NOL4L: variants seen among roughly 807,000 people sequenced by gnomAD.
NOL4L encodes nucleolar protein 4-like.
A neutral mutation model predicts 64.5 loss-of-function variants in NOL4L; 7 were observed. The ratio of observed to expected loss-of-function variants is 0.11; its 90% CI spans 0.06 to 0.20. The LOEUF (loss-of-function observed/expected upper bound fraction) is 0.20, where lower values mean the gene tolerates loss of function less well. Ranked by LOEUF, NOL4L falls within the 10% of genes least tolerant of loss-of-function variation. The pLI is 1.00. For missense variants in NOL4L, 680 were observed against 967.1 expected, an observed-to-expected ratio of 0.70 and a Z score of 3.94; for synonymous variants, 413 against 401.0, an observed-to-expected ratio of 1.03 and a Z score of -0.36.
chr20:32,542,390 G>C (rs1421745317), intron 1 of NOL4L, among the ~76,000 whole-genome samples: 1 of 152,134 alleles, frequency 6.6e-6, no homozygotes, highest in Non-Finnish European at 1.5e-5. Context: ...GTCTCGCTGT[G>C]TCACCCAGAC....
At chr20:32,494,713 T>C (rs562382343) in intron 4 of NOL4L, among the ~76,000 whole-genome samples, 29 of 152,300 alleles carry the variant, frequency 1.9e-4, no homozygotes, top group African/African-American at 6.0e-4. Flanking sequence ...TTTGCAGCAA[T>C]GAGACATCAA....
chr20:32,555,245 C>G (rs145681871), intron 1 of NOL4L, among the ~76,000 whole-genome samples: 33 of 152,246 alleles, frequency 2.2e-4, no homozygotes, highest in African/African-American at 7.9e-4. Context: ...TGTGCCCCCT[C>G]CAATTCATAT....
intron 4 of NOL4L, among the ~76,000 whole-genome samples, chr20:32,500,352 AT>A (rs778704594): frequency 0.02 from 2,586 of 132,376 alleles, 29 homozygotes; most frequent in South Asian, 0.043. Flanking sequence ...GCCCAGCCAG[AT>A]TTTTTTTTTT....
At chr20:32,528,053 G>A (rs1469985995) in intron 1 of NOL4L, 140 bp from the exon 2 acceptor site, 2 of 561,360 alleles carry the variant, frequency 3.6e-6, no homozygotes, top group South Asian at 3.5e-5. Context: ...GGAGCCTACC[G>A]AGGGGGCTCC....
intron 4 of NOL4L, among the ~76,000 whole-genome samples, chr20:32,505,680 C>T (rs946955189): frequency 6.6e-6 from 1 of 152,232 alleles, no homozygotes; most frequent in African/African-American, 2.4e-5. Flanking sequence ...CGTGTCACTG[C>T]ACTCCAGCCT....
Position 32,455,566 on chromosome 20 carries a change from T to C in NOL4L, c.1119+552A>G, listed in dbSNP as rs55731315. ...ACCTTAGTGGCCCGGAGGCAGCTTG[T>C]GGAAGTGTGGGGGAGGCCCCAGGAA... On this transcript the variant is annotated intron_variant, in intron 6 of 10. Transcript: ENST00000621426. Among the ~76,000 whole-genome samples, 1,449 of 152,118 alleles carry C rather than the reference T, an allele frequency of 9.5e-3. 13 individuals are homozygous for C. The highest frequency in any genetic ancestry group is 0.016 in the Non-Finnish European group (1,096 of 67,948).
chr20:32,562,004 T>C (rs951951466), intron 1 of NOL4L, among the ~76,000 whole-genome samples: 6 of 151,716 alleles, frequency 4.0e-5, no homozygotes, highest in Non-Finnish European at 5.9e-5. Flanking sequence ...AATAAACAAA[T>C]AAATAAATAA....
chr20:32,557,568 T>C (rs1318911062), intron 1 of NOL4L, among the ~76,000 whole-genome samples: 1 of 152,148 alleles, frequency 6.6e-6, no homozygotes, highest in South Asian at 2.1e-4. Context: ...AAGCCGTTAA[T>C]GGTGGGCAGG....
At chr20:32,557,476 C>T (rs1978731863) in intron 1 of NOL4L, among the ~76,000 whole-genome samples, 1 of 152,256 alleles carries the variant, frequency 6.6e-6, no homozygotes, top group African/African-American at 2.4e-5. Flanking sequence ...CTCCAAGTCT[C>T]CTCGGTTGGG....
intron 4 of NOL4L, among the ~76,000 whole-genome samples, chr20:32,485,081 A>AAAAAAAAAAAAAAAAAAAAAAAACAAAAC (rs2016016202): frequency 6.8e-6 from 1 of 147,002 alleles, no homozygotes; most frequent in Non-Finnish European, 1.5e-5. Flanking sequence ...AAAAAAAAAA[A>AAAAAAAAAAAAAAAAAAAAAAAACAAAAC]AAAAAACAAC....
chr20:32,461,478 G>A (rs2014058100), intron 5 of NOL4L, among the ~76,000 whole-genome samples: 1 of 145,582 alleles, frequency 6.9e-6, no homozygotes, highest in African/African-American at 2.5e-5. Context: ...GATGGAGTAC[G>A]GTGGCGTGAT....
chr20:32,552,766 G>A (rs1978385439), intron 1 of NOL4L, among the ~76,000 whole-genome samples: 1 of 152,192 alleles, frequency 6.6e-6, no homozygotes, highest in Admixed American at 6.5e-5. Flanking sequence ...ACTTTGGGAG[G>A]CCAAGACGGG....
chr20:32,488,791 CTTTCTTTCT>C (rs1333368423), intron 4 of NOL4L, among the ~76,000 whole-genome samples: 6 of 53,498 alleles, frequency 1.1e-4, no homozygotes, highest in Non-Finnish European at 1.8e-4. Context: ...TCCTTCCTTC[CTTTCTTTCT>C]TTCTTTTTCT....
At chr20:32,472,352 C>T (rs769788547) in intron 5 of NOL4L, among the ~76,000 whole-genome samples, 14 of 152,224 alleles carry the variant, frequency 9.2e-5, no homozygotes, top group Non-Finnish European at 1.6e-4. Context: ...CCAGAGCCCA[C>T]ACACCAAGCC....
intron 4 of NOL4L, among the ~76,000 whole-genome samples, chr20:32,488,829 T>TTTC (rs1568648839): frequency 5.1e-5 from 2 of 39,316 alleles, no homozygotes; most frequent in South Asian, 8.3e-4. Flanking sequence ...TTCTTTCTTT[T>TTTC]TCTTTCTTTC....
At chr20:32,483,900 C>G (rs1300566060) in intron 4 of NOL4L, among the ~76,000 whole-genome samples, 2 of 143,202 alleles carry the variant, frequency 1.4e-5, no homozygotes, top group Admixed American at 6.9e-5. Context: ...GACGCGCCGC[C>G]GTGCGCTTCG....
chr20:32,461,548 G>A (rs747195054), intron 5 of NOL4L, among the ~76,000 whole-genome samples: 3 of 149,478 alleles, frequency 2.0e-5, no homozygotes, highest in South Asian at 2.1e-4. Context: ...TCGGCTTCCC[G>A]AGTAGCTGGG....
rs1362401037 is a variant in NOL4L, at chr20:32,494,271, A to C, written c.699+17076T>G. Among the ~76,000 whole-genome samples the C allele has an allele frequency of 2.1e-3, 301 of 142,142 alleles. 7 individuals are homozygous for C. Among genetic ancestry groups the C allele is most frequent in the African/African-American group, 5.5e-3 (191 of 34,962 alleles). The allele number at this position is 142,142 out of a possible 152,430, so 93.3% of individuals were successfully genotyped here. A position where few individuals can be genotyped will look rare whatever the true frequency, so the allele number is the denominator to read the frequency against. On this transcript the variant is annotated intron_variant, in intron 4 of 10. Coordinates refer to ENST00000621426, the MANE Select transcript of NOL4L (RefSeq NM_001256798.2). Reference sequence around the variant, plus strand: ...ATCTCGGGAAAAAAAAAAAAAAAAAAAAAAAAAAAAACACACAACACACAC... The same window carrying C: ...ATCTCGGGAAAAAAAAAAAAAAAAACAAAAAAAAAAACACACAACACACAC...
chr20:32,521,188 C>T (rs2017919956), intron 2 of NOL4L, among the ~76,000 whole-genome samples: 1 of 152,186 alleles, frequency 6.6e-6, no homozygotes, highest in African/African-American at 2.4e-5. Flanking sequence ...TAGTCTTTAA[C>T]CTATATTCTA....
Sources: gnomAD v4.1 joint callset for allele counts (sites outside exome capture counted in the v4.1 genomes callset) on GRCh38, gnomAD v4.1.1 for gene constraint, MANE v1.5 for transcripts, NCBI Gene and HGNC (gene_info 2026-07-23, HGNC 2026-07-21) for gene names.